NXPE2: variants seen among roughly 807,000 people sequenced by gnomAD.
The protein encoded by NXPE2 is NXPE family member 2.
Under a neutral mutation model 34.4 loss-of-function variants are expected in NXPE2, and 34 were observed. The ratio of observed to expected loss-of-function variants is 0.99; its 90% CI spans 0.75 to 1.31. The LOEUF (loss-of-function observed/expected upper bound fraction) is 1.31. Ranked by LOEUF, NXPE2 falls within the 40% of genes most tolerant of loss-of-function variation. NXPE2 has a pLI of 0.00. For missense variants in NXPE2, 649 were observed against 672.5 expected (o/e 0.97, Z 0.39); for synonymous variants, 235 against 231.3 (o/e 1.02, Z -0.15).
the NXPE2 span, among the ~76,000 whole-genome samples, chr11:114,649,268 C>A: frequency 2.6e-5 from 4 of 152,168 alleles, no homozygotes; most frequent in South Asian, 8.3e-4. Context: ...ATGAACCACA[C>A]AAAGACTTGC....
the NXPE2 span, among the ~76,000 whole-genome samples, chr11:114,757,711 G>T: frequency 6.6e-6 from 1 of 152,118 alleles, no homozygotes; most frequent in African/African-American, 2.4e-5. Flanking sequence ...TGTATTGTTT[G>T]GTCTTCATGG....
chr11:114,726,019 A>G, the NXPE2 span, among the ~76,000 whole-genome samples: 1 of 146,588 alleles, frequency 6.8e-6, no homozygotes, highest in Non-Finnish European at 1.5e-5. Flanking sequence ...CCATAATAGT[A>G]AGAATCACAA....
chr11:114,715,343 C>T, the NXPE2 span, among the ~76,000 whole-genome samples: 1 of 152,090 alleles, frequency 6.6e-6, no homozygotes, highest in Non-Finnish European at 1.5e-5. Flanking sequence ...TATGTAATTG[C>T]GCAAAATCAA....
intron 2 of NXPE2, among the ~76,000 whole-genome samples, chr11:114,695,437 G>T (rs1029585893): frequency 6.6e-6 from 1 of 152,098 alleles, no homozygotes; most frequent in Non-Finnish European, 1.5e-5. Context: ...AAGAAGGCCA[G>T]ATGGAGGCTG....
At chr11:114,802,639 T>C in the NXPE2 span, among the ~76,000 whole-genome samples, 1 of 152,194 alleles carries the variant, frequency 6.6e-6, no homozygotes, top group African/African-American at 2.4e-5. Context: ...AATTATTTTT[T>C]TCTTTGTTCA....
the NXPE2 span, among the ~76,000 whole-genome samples, chr11:114,626,177 G>A: frequency 1.3e-5 from 2 of 152,164 alleles, no homozygotes; most frequent in Non-Finnish European, 2.9e-5. Context: ...GCCCACCACA[G>A]CTTAAGGAGG....
chr11:114,797,488 G>C, the NXPE2 span, among the ~76,000 whole-genome samples: 1 of 152,124 alleles, frequency 6.6e-6, no homozygotes, highest in African/African-American at 2.4e-5. Context: ...CAGGTCACGA[G>C]GTCCTCAGTT....
chr11:114,766,568 G>C, the NXPE2 span, among the ~76,000 whole-genome samples: 1 of 151,534 alleles, frequency 6.6e-6, no homozygotes, highest in Non-Finnish European at 1.5e-5. Context: ...TTTTCCCCAA[G>C]TTTTTCTTCC....
the NXPE2 span, among the ~76,000 whole-genome samples, chr11:114,781,749 A>AT: frequency 6.6e-6 from 1 of 152,096 alleles, no homozygotes; most frequent in East Asian, 1.9e-4. Flanking sequence ...ATGTCAGCCC[A>AT]TTTTTTGGAG....
chr11:114,762,228 G>A, the NXPE2 span, among the ~76,000 whole-genome samples: 1 of 152,126 alleles, frequency 6.6e-6, no homozygotes, highest in Non-Finnish European at 1.5e-5. Flanking sequence ...TTGGGAAGTG[G>A]CATGGGGTAC....
chr11:114,697,190 G>A (rs924706781), intron 2 of NXPE2, among the ~76,000 whole-genome samples: 2 of 152,142 alleles, frequency 1.3e-5, no homozygotes, highest in African/African-American at 4.8e-5. Flanking sequence ...ATAAGTGAAA[G>A]GGCTCAAGAT....
chr11:114,698,511 T>G lies in NXPE2; in HGVS notation c.599T>G (p.Val200Gly). The change falls in exon 3 of 6, where the codon GTA becomes GGA. Residue 200 changes from valine (V) to glycine (G), a missense_variant. Transcript: ENST00000389586. ...CTGCTCATCCACCCCAGTGAAGGGG[T>G]ATCAGCTCTCTGGAGGGCAAGGAAC... is the stretch of plus-strand genomic sequence containing the variant. ...SLLLIHPSEG[V>G]SALWRARNQG... The G allele has an allele frequency of 6.2e-7, 1 of 1,614,032 alleles. No individual in the cohort carries two copies.
the NXPE2 span, among the ~76,000 whole-genome samples, chr11:114,731,344 C>T: frequency 6.6e-6 from 1 of 152,150 alleles, no homozygotes; most frequent in African/African-American, 2.4e-5. Flanking sequence ...ATGCAGTTAA[C>T]CATATGAACC....
At chr11:114,477,842 C>T in the NXPE2 span, among the ~76,000 whole-genome samples, 1 of 151,390 alleles carries the variant, frequency 6.6e-6, no homozygotes, top group Admixed American at 6.6e-5. Flanking sequence ...GAAAAAGAAT[C>T]CCTTTCTTTT....
At chr11:114,650,435 G>A in the NXPE2 span, among the ~76,000 whole-genome samples, 1 of 152,212 alleles carries the variant, frequency 6.6e-6, no homozygotes, top group East Asian at 1.9e-4. Flanking sequence ...AGGAGATTGA[G>A]AGGGTACTCC....
the NXPE2 span, among the ~76,000 whole-genome samples, chr11:114,806,480 T>C: frequency 6.6e-6 from 1 of 151,816 alleles, no homozygotes; most frequent in East Asian, 1.9e-4. Context: ...ACTAGAATAA[T>C]CAATGCAGAG....
the NXPE2 span, among the ~76,000 whole-genome samples, chr11:114,742,619 G>GGTTT: frequency 1.1e-4 from 2 of 18,188 alleles, no homozygotes; most frequent in Non-Finnish European, 2.5e-4. Flanking sequence ...TTTATTCTTG[G>GGTTT]ATTTTTTTTT....
chr11:114,513,020 G>T, the NXPE2 span: 1 of 389,032 alleles, frequency 2.6e-6, no homozygotes. Flanking sequence ...GTGAGCAGCA[G>T]AGACAGGGGT....
At chr11:114,731,777 C>T in the NXPE2 span, among the ~76,000 whole-genome samples, 2 of 152,126 alleles carry the variant, frequency 1.3e-5, no homozygotes, top group African/African-American at 4.8e-5. Context: ...CACACATATA[C>T]ACATAAGTAA....
Sources: allele counts gnomAD v4.1 joint callset (sites outside exome capture counted in the v4.1 genomes callset), GRCh38; gene constraint gnomAD v4.1.1; transcripts MANE v1.5; gene names NCBI Gene and HGNC (gene_info 2026-07-23, HGNC 2026-07-21).